DPP10: variants seen among roughly 807,000 people sequenced by gnomAD.
DPP10 encodes inactive dipeptidyl peptidase 10.
DPP10 carries 33 observed loss-of-function variants against 120.9 expected under a neutral mutation model. That is an observed-to-expected ratio of 0.27 (90% confidence interval 0.21 to 0.37). The LOEUF (loss-of-function observed/expected upper bound fraction) is 0.37, where lower values mean the gene tolerates loss of function less well. Ranked by LOEUF, DPP10 falls within the 10% of genes least tolerant of loss-of-function variation. The pLI is 1.00. For missense variants in DPP10, 816 were observed against 942.8 expected (o/e 0.87, Z 1.76); for synonymous variants, 337 against 326.1 (o/e 1.03, Z -0.36).
At chr2:115,272,859 G>A (rs1044632699) in intron 1 of DPP10, among the ~76,000 whole-genome samples, 6 of 152,128 alleles carry the variant, frequency 3.9e-5, no homozygotes, top group East Asian at 1.9e-4. Context: ...TCCATGTTCC[G>A]TTTCTTTTCC....
At chr2:114,724,843 G>A (rs1701941006) in intron 1 of DPP10, among the ~76,000 whole-genome samples, 1 of 152,172 alleles carries the variant, frequency 6.6e-6, no homozygotes, top group Admixed American at 6.5e-5. Context: ...GTAACAATTT[G>A]CTTGATAGCT....
At chr2:115,548,971 G>A (rs2079697373) in intron 5 of DPP10, among the ~76,000 whole-genome samples, 1 of 152,006 alleles carries the variant, frequency 6.6e-6, no homozygotes, top group African/African-American at 2.4e-5. Flanking sequence ...TGAAGCCCCG[G>A]TTATCTTTGT....
At chr2:115,025,079 C>T (rs1336534528) in intron 1 of DPP10, among the ~76,000 whole-genome samples, 2 of 151,886 alleles carry the variant, frequency 1.3e-5, no homozygotes, top group Non-Finnish European at 2.9e-5. Flanking sequence ...CTATAGTCAC[C>T]TTAGTGAACT....
intron 3 of DPP10, among the ~76,000 whole-genome samples, chr2:115,383,603 A>G (rs2066607097): frequency 6.6e-6 from 1 of 152,180 alleles, no homozygotes; most frequent in Non-Finnish European, 1.5e-5. Context: ...AGTCTTCCTG[A>G]GAAATGTCCT....
chr2:115,017,105 C>T (rs1197862659), intron 1 of DPP10, among the ~76,000 whole-genome samples: 1 of 150,108 alleles, frequency 6.7e-6, no homozygotes, highest in Non-Finnish European at 1.5e-5. Flanking sequence ...ATACCTAATG[C>T]TAAATGATGA....
chr2:115,419,777 G>A (rs749815812), intron 3 of DPP10, among the ~76,000 whole-genome samples: 14 of 152,142 alleles, frequency 9.2e-5, no homozygotes, highest in Non-Finnish European at 1.5e-4. Context: ...CTGCTTGAAT[G>A]CTACAGAAAA....
chr2:115,730,399 T>C (rs2092875909), intron 8 of DPP10, among the ~76,000 whole-genome samples: 1 of 152,090 alleles, frequency 6.6e-6, no homozygotes, highest in Admixed American at 6.5e-5. Context: ...GAGCAAGCAT[T>C]AACAAGGAGC....
chr2:115,425,107 T>A (rs2070334925), intron 3 of DPP10, among the ~76,000 whole-genome samples: 1 of 152,128 alleles, frequency 6.6e-6, no homozygotes, highest in Non-Finnish European at 1.5e-5. Context: ...CAGAGATGAA[T>A]GAGGGGCTCT....
intron 1 of DPP10, among the ~76,000 whole-genome samples, chr2:114,484,273 C>T (rs1681309820): frequency 6.6e-6 from 1 of 152,208 alleles, no homozygotes; most frequent in African/African-American, 2.4e-5. Flanking sequence ...TTTAAGAGCA[C>T]GTTGCCTTTA....
chr2:115,577,031 G>A (rs1159028298), intron 5 of DPP10, among the ~76,000 whole-genome samples: 1 of 152,184 alleles, frequency 6.6e-6, no homozygotes, highest in African/African-American at 2.4e-5. Context: ...AGCCAAATAT[G>A]GGAGTATTGA....
At chr2:115,551,158 T>G (rs1293307742) in intron 5 of DPP10, among the ~76,000 whole-genome samples, 1 of 152,138 alleles carries the variant, frequency 6.6e-6, no homozygotes, top group Admixed American at 6.6e-5. Context: ...AGTTTATTCT[T>G]GCAGACTTCA....
intron 8 of DPP10, among the ~76,000 whole-genome samples, chr2:115,731,472 G>C (rs1008138170): frequency 6.6e-6 from 1 of 152,076 alleles, no homozygotes; most frequent in Non-Finnish European, 1.5e-5. Context: ...GCTGCAGTGA[G>C]CCAAGATCAT....
intron 1 of DPP10, among the ~76,000 whole-genome samples, chr2:114,850,637 T>C (rs1688879488): frequency 6.6e-6 from 1 of 152,152 alleles, no homozygotes; most frequent in African/African-American, 2.4e-5. Flanking sequence ...GTATGAACTT[T>C]GTGGAGGACA....
chr2:114,695,750 C>G (rs1248730696), intron 1 of DPP10, among the ~76,000 whole-genome samples: 1 of 152,134 alleles, frequency 6.6e-6, no homozygotes, highest in Non-Finnish European at 1.5e-5. Context: ...CATAATTGCA[C>G]AGGAGAATTG....
At chr2:115,554,462 C>G (rs576537042) in intron 5 of DPP10, among the ~76,000 whole-genome samples, 14 of 151,960 alleles carry the variant, frequency 9.2e-5, no homozygotes, top group African/African-American at 3.4e-4. Flanking sequence ...CTTTGACCAC[C>G]TACTGATTTG....
chr2:115,543,677 T>C (rs1460306967), intron 5 of DPP10, among the ~76,000 whole-genome samples: 1 of 152,002 alleles, frequency 6.6e-6, no homozygotes, highest in Non-Finnish European at 1.5e-5. Flanking sequence ...ATAGAATCAG[T>C]ATGTCTTCAG....
At chr2:115,475,674 A>G (rs1439287872) in intron 3 of DPP10, among the ~76,000 whole-genome samples, 1 of 152,196 alleles carries the variant, frequency 6.6e-6, no homozygotes, top group African/African-American at 2.4e-5. Context: ...ACGCCAGCCC[A>G]TGAGAACAGT....
intron 5 of DPP10, among the ~76,000 whole-genome samples, chr2:115,571,238 A>G (rs2081320223): frequency 1.3e-5 from 2 of 151,944 alleles, no homozygotes; most frequent in South Asian, 4.2e-4. Flanking sequence ...TTTTTCTCCA[A>G]CTCTTATTTT....
intron 1 of DPP10, among the ~76,000 whole-genome samples, chr2:114,695,246 A>G (rs1251801535): frequency 6.6e-6 from 1 of 152,008 alleles, no homozygotes; most frequent in East Asian, 1.9e-4. Context: ...TGAAAGTGAT[A>G]GAATCTATAG....
Sources: gnomAD v4.1 joint callset for allele counts (sites outside exome capture counted in the v4.1 genomes callset) on GRCh38, gnomAD v4.1.1 for gene constraint, MANE v1.5 for transcripts, NCBI Gene and HGNC (gene_info 2026-07-23, HGNC 2026-07-21) for gene names.